The following IL1RAPL2 variants were observed in gnomAD, a reference collection of about 807,000 sequenced individuals.
The protein encoded by IL1RAPL2 is interleukin 1 receptor accessory protein like 2.
In IL1RAPL2, 3 loss-of-function variants were observed where a neutral mutation model predicts 44.1. The ratio of observed to expected loss-of-function variants is 0.07; its 90% CI spans 0.03 to 0.18. The LOEUF (loss-of-function observed/expected upper bound fraction) is 0.18. IL1RAPL2 is among the 10% of genes least tolerant of loss of function. The probability of loss-of-function intolerance (pLI) is 1.00; values close to 1 mark genes in which losing one functional copy is unlikely to be tolerated. For missense variants in IL1RAPL2, 391 were observed against 496.4 expected (o/e 0.79, Z 2.02); for synonymous variants, 181 against 178.8 (o/e 1.01, Z -0.10).
intron 6 of IL1RAPL2, among the ~76,000 whole-genome samples, chrX:105,625,096 T>C (rs1338576920): frequency 8.9e-6 from 1 of 112,139 alleles, no homozygotes; most frequent in African/African-American, 3.2e-5. Flanking sequence ...TTTACTAACC[T>C]CAATTCTACA....
intron 2 of IL1RAPL2, among the ~76,000 whole-genome samples, chrX:105,147,345 TCCTTTATTTCCATGCATGAGGGGAGGA>T (rs1322915011): frequency 9.0e-6 from 1 of 111,670 alleles, no homozygotes; most frequent in Non-Finnish European, 1.9e-5. Context: ...ACAGAGATTT[TCCTTTATTTCCATGCATGAGGGGAGGA>T]CAAGAAGAAC....
chrX:105,480,129 A>G (rs1441739627), intron 5 of IL1RAPL2, among the ~76,000 whole-genome samples: 2 of 112,327 alleles, frequency 1.8e-5, no homozygotes, highest in African/African-American at 6.5e-5. Flanking sequence ...AAAGAGGACA[A>G]TGAAAGTTGT....
intron 2 of IL1RAPL2, among the ~76,000 whole-genome samples, chrX:104,666,129 TAGAG>T (rs1013362435): frequency 4.0e-4 from 43 of 108,002 alleles, no homozygotes; most frequent in Admixed American, 1.0e-3. Flanking sequence ...GTCTGAGACA[TAGAG>T]AGAGAGAGAG....
chrX:104,879,055 G>T (rs964995672), intron 2 of IL1RAPL2, among the ~76,000 whole-genome samples: 1 of 110,732 alleles, frequency 9.0e-6, no homozygotes, highest in Non-Finnish European at 1.9e-5. Context: ...TTATTACAAA[G>T]TTATATAAAA....
At chrX:104,681,703 G>A (rs1445591157) in intron 2 of IL1RAPL2, among the ~76,000 whole-genome samples, 1 of 112,718 alleles carries the variant, frequency 8.9e-6, no homozygotes, top group African/African-American at 3.2e-5. Flanking sequence ...AAAGGCTTCA[G>A]CCAGATGATA....
intron 7 of IL1RAPL2, among the ~76,000 whole-genome samples, chrX:105,740,160 G>A (rs1392198437): frequency 3.6e-5 from 4 of 111,195 alleles, no homozygotes; most frequent in Admixed American, 1.9e-4. Flanking sequence ...ACTAAAATCA[G>A]AGCAGAACTG....
intron 5 of IL1RAPL2, among the ~76,000 whole-genome samples, chrX:105,268,937 AC>A (rs2034426724): frequency 0.011 from 1 of 93 alleles, no homozygotes; most frequent in African/African-American, 0.031. Context: ...TTGTTGTATA[AC>A]CTTAAATATA....
At chrX:105,633,818 C>CTTGGTT (rs1392307944) in intron 6 of IL1RAPL2, among the ~76,000 whole-genome samples, 1 of 111,431 alleles carries the variant, frequency 9.0e-6, no homozygotes, top group Non-Finnish European at 1.9e-5. Context: ...GAGGTAGATA[C>CTTGGTT]TTGGTTTTGG....
intron 2 of IL1RAPL2, among the ~76,000 whole-genome samples, chrX:104,848,299 T>C (rs953472853): frequency 2.8e-5 from 3 of 107,753 alleles, no homozygotes; most frequent in Admixed American, 2.0e-4. Flanking sequence ...ACATTTACAA[T>C]ATGTTTAAAC....
At chrX:105,671,999 C>T (rs1457732975) in intron 6 of IL1RAPL2, among the ~76,000 whole-genome samples, 1 of 111,395 alleles carries the variant, frequency 9.0e-6, no homozygotes, top group Non-Finnish European at 1.9e-5. Flanking sequence ...ATTTTCATTT[C>T]GTTCTTTATA....
At chrX:105,474,297 C>T (rs2036183985) in intron 5 of IL1RAPL2, among the ~76,000 whole-genome samples, 2 of 111,553 alleles carry the variant, frequency 1.8e-5, no homozygotes, top group Admixed American at 1.9e-4. Flanking sequence ...TCTCCCAGGG[C>T]CTCCAGAAAG....
chrX:105,506,159 CTGAG>C (rs1292340152), intron 6 of IL1RAPL2, among the ~76,000 whole-genome samples: 1 of 111,499 alleles, frequency 9.0e-6, no homozygotes, highest in African/African-American at 3.3e-5. Flanking sequence ...CACTGAGCAA[CTGAG>C]TGAGTAAAGA....
At chrX:105,383,925 T>C (rs1420970098) in intron 5 of IL1RAPL2, among the ~76,000 whole-genome samples, 1 of 112,094 alleles carries the variant, frequency 8.9e-6, no homozygotes, top group Non-Finnish European at 1.9e-5. Context: ...ATATGTCTAT[T>C]AGGATTTTTT....
intron 6 of IL1RAPL2, among the ~76,000 whole-genome samples, chrX:105,666,543 C>G (rs1310971911): frequency 9.0e-6 from 1 of 111,437 alleles, no homozygotes; most frequent in African/African-American, 3.3e-5. Context: ...CTAACAGAGC[C>G]GTAAAACAGA....
intron 2 of IL1RAPL2, among the ~76,000 whole-genome samples, chrX:104,927,881 C>T (rs753653735): frequency 8.9e-6 from 1 of 112,044 alleles, no homozygotes. Context: ...TGGTTACTTG[C>T]GCTCACCAGA....
Position 104,635,856 on chromosome X carries a change from C to T in IL1RAPL2, c.-19-23039C>T, listed in dbSNP as rs1433316530. ...CTTCTCTCAACTCGTCAAAGTCATT[C>T]TCCGTCCAGCTTTGTTCCATTGCTG... On this transcript the variant is annotated intron_variant, in intron 1 of 10. Coordinates refer to ENST00000372582, the MANE Select transcript of IL1RAPL2 (RefSeq NM_017416.2). 1.7e-4 allele frequency among the ~76,000 whole-genome samples: 19 copies of T among 112,286 alleles called. No individual in the cohort carries two copies. In the Admixed American group the frequency reaches 1.7e-3, roughly 10 times the overall value.
At chrX:104,907,928 G>A (rs1401790485) in intron 2 of IL1RAPL2, among the ~76,000 whole-genome samples, 19 of 109,785 alleles carry the variant, frequency 1.7e-4, no homozygotes, top group African/African-American at 6.6e-5. Context: ...TTATTAATGT[G>A]TGGGAGTCTA....
At chrX:105,619,959 G>C (rs2037407863) in intron 6 of IL1RAPL2, among the ~76,000 whole-genome samples, 1 of 110,620 alleles carries the variant, frequency 9.0e-6, no homozygotes, top group Non-Finnish European at 1.9e-5. Flanking sequence ...TGTAGATTTA[G>C]GAATAATCTG....
At chrX:105,292,450 A>G (rs2034621165) in intron 5 of IL1RAPL2, among the ~76,000 whole-genome samples, 1 of 111,932 alleles carries the variant, frequency 8.9e-6, no homozygotes, top group African/African-American at 3.2e-5. Context: ...GGCTGTTAAA[A>G]TACTTCCTTA....
Sources: allele counts gnomAD v4.1 joint callset (sites outside exome capture counted in the v4.1 genomes callset), GRCh38; gene constraint gnomAD v4.1.1; transcripts MANE v1.5; gene names NCBI Gene and HGNC (gene_info 2026-07-23, HGNC 2026-07-21).